The following MYSM1 variants were observed in gnomAD, a reference collection of about 807,000 sequenced individuals.
MYSM1 encodes deubiquitinase MYSM1.
MYSM1 carries 51 observed loss-of-function variants against 116.0 expected under a neutral mutation model. The observed-to-expected ratio is 0.44, with a 90% CI of 0.35 to 0.56. The LOEUF (loss-of-function observed/expected upper bound fraction) is 0.56, where lower values mean the gene tolerates loss of function less well. Ranked by LOEUF, MYSM1 falls within the 20% of genes least tolerant of loss-of-function variation. The pLI, the probability that MYSM1 is intolerant of heterozygous loss-of-function variation, is 0.00. For missense variants in MYSM1, 900 were observed against 974.9 expected, an observed-to-expected ratio of 0.92 and a Z score of 1.02; for synonymous variants, 313 against 315.2, an observed-to-expected ratio of 0.99 and a Z score of 0.07.
chr1:58,676,766 C>A (rs751335326), intron 9 of MYSM1, 160 bp downstream of exon 9: 304 of 615,662 alleles, frequency 4.9e-4, no homozygotes, highest in Non-Finnish European at 6.6e-4. Context: ...ACAGTTTAAC[C>A]AACAGTAAAA....
Position 58,690,349 on chromosome 1 carries a change from T to C in MYSM1, c.287A>G (p.Tyr96Cys). The C allele has an allele frequency of 6.2e-7, 1 of 1,603,220 alleles. No individual in the cohort carries two copies. The change falls in exon 4 of 20, where the codon TAC (tyrosine) becomes TGC (cysteine). Residue 96 changes from tyrosine to cysteine, a missense_variant. Around this residue, in one of 3 missense-constraint regions of MYSM1, gnomAD observed 622 missense variants for 623.7 expected, o/e 1.00. Transcript: ENST00000472487. The stretch of plus-strand genomic sequence containing the variant: ...TATAAATTGATTTTACCTCTTCATG[T>C]ATTTTTTATCATCTTCCTTTTGATC... The part of the protein sequence containing the change: ...WLDQKEDDKK[Y>C]MKSLQKTAKI...
chr1:58,666,989 A>G lies in MYSM1; in HGVS notation c.2031+49T>C, dbSNP rs571809012. ...AAAGTTTATCTATTTAAAAGGGAGC[A>G]TTGAGGGGGTGTGCAACCATTTACA... is the stretch of plus-strand genomic sequence containing the variant. On this transcript the variant is annotated intron_variant, in intron 16 of 19. Coordinates refer to ENST00000472487, the MANE Select transcript of MYSM1 (RefSeq NM_001085487.3). 1.2e-5 allele frequency: 13 copies of G among 1,085,142 alleles called. No homozygotes were observed. The East Asian group carries it at 3.1e-4, about 26-fold the overall frequency. 67.2% of individuals were successfully genotyped at this position (1,085,142 alleles called of 1,614,324 possible).
rs1297481256 is a variant in MYSM1 at position 58,655,949 on chromosome 1, C to T, written c.*4048G>A. On this transcript the variant is annotated 3_prime_UTR_variant, in exon 20 of 20. Transcript: ENST00000472487. The stretch of plus-strand genomic sequence containing the variant: ...ACTGAATTTCTACTGAGAATTCCAT[C>T]AACTGCTGTCTGCTGACTTGCGACT... The T allele has an allele frequency of 2.6e-5, 4 of 152,108 alleles. No individual in the cohort carries two copies. Among genetic ancestry groups the T allele is most frequent in the Admixed American group, 1.3e-4 (2 of 15,268 alleles). 9.4% of individuals were successfully genotyped at this position (152,108 alleles called of 1,614,324 possible). A position where few individuals can be genotyped will look rare whatever the true frequency, so the allele number is the denominator to read the frequency against.
chr1:58,676,969 A>G lies in MYSM1; in HGVS notation c.1347T>C (p.Ile449=), dbSNP rs762284661. 12 of 1,612,532 alleles carry G rather than the reference A, an allele frequency of 7.4e-6. No individual in the cohort carries two copies. Among genetic ancestry groups the G allele is most frequent in the Non-Finnish European group, 8.5e-7 (1 of 1,179,328 alleles). ...CTCCTATCAATTCGAGGTATGTATGAATCCGTCCAATACAATTAACATCTC... is the reference window on the plus strand; with the variant it reads ...CTCCTATCAATTCGAGGTATGTATGGATCCGTCCAATACAATTAACATCTC... ...NCGDVNCIGR[I]HTYLELIGAI... The change falls in exon 9 of 20, where the codon ATT becomes ATC. Residue 449 remains isoleucine, a synonymous_variant. Transcript: ENST00000472487.
intron 7 of MYSM1, 68 bp downstream of exon 7, chr1:58,685,085 A>C: frequency 7.7e-7 from 1 of 1,304,896 alleles, no homozygotes; most frequent in Non-Finnish European, 1.0e-6. Flanking sequence ...CCTGAATTAA[A>C]GAAATACTTC....
chr1:58,685,334 AAAAACTT>A (rs1644812472), intron 6 of MYSM1, 83 bp from the exon 7 acceptor site: 1 of 805,208 alleles, frequency 1.2e-6, no homozygotes, highest in Non-Finnish European at 1.9e-6. Context: ...TTAAAAAAAA[AAAAACTT>A]AAAAAAAAAT....
rs1644298334 is a variant in MYSM1 at position 58,654,815 on chromosome 1, G to A, written c.*5182C>T. 1 of 151,976 alleles carries A rather than the reference G, an allele frequency of 6.6e-6. No homozygotes were observed. Among genetic ancestry groups the A allele is most frequent in the Admixed American group, 6.5e-5 (1 of 15,274 alleles). The allele number at this position is 151,976 out of a possible 1,614,324, so 9.4% of individuals were successfully genotyped here. A position where few individuals can be genotyped will look rare whatever the true frequency, so the allele number is the denominator to read the frequency against. On this transcript the variant is annotated 3_prime_UTR_variant, in exon 20 of 20. Coordinates refer to ENST00000472487, the MANE Select transcript of MYSM1 (RefSeq NM_001085487.3). Reference sequence around the variant, plus strand: ...TTAATTTTTAGAACAAAATCCAAAAGCTTAAAATCAGATATCTTATAATGT... The same window carrying A: ...TTAATTTTTAGAACAAAATCCAAAAACTTAAAATCAGATATCTTATAATGT...
At chr1:58,699,926 C>T (rs564714363) in intron 1 of MYSM1, 59 bp downstream of exon 1, 3 of 1,608,964 alleles carry the variant, frequency 1.9e-6, no homozygotes, top group Admixed American at 1.7e-5. Flanking sequence ...TTTCCCAGGG[C>T]CCGCTCCTTC....
chr1:58,685,286 G>C (rs753459319), intron 6 of MYSM1, 35 bp from the exon 7 acceptor site: 1 of 1,497,792 alleles, frequency 6.7e-7, no homozygotes, highest in East Asian at 2.3e-5. Flanking sequence ...AATTGCTTTT[G>C]ATGAATTTAC....
intron 8 of MYSM1, among the ~76,000 whole-genome samples, chr1:58,678,471 T>C (rs1037394278): frequency 6.6e-6 from 1 of 152,100 alleles, no homozygotes; most frequent in Non-Finnish European, 1.5e-5. Context: ...ACTCTAAAAA[T>C]ATGTTCATGG....
chr1:58,669,277 A>T (rs1303034896), intron 12 of MYSM1, among the ~76,000 whole-genome samples: 1 of 152,150 alleles, frequency 6.6e-6, no homozygotes, highest in Admixed American at 6.5e-5. Context: ...ATTTCCTTTA[A>T]CACTCAAAGA....
Position 58,657,650 on chromosome 1 carries a change from A to T in MYSM1, c.*2347T>A, listed in dbSNP as rs749863129. On this transcript the variant is annotated 3_prime_UTR_variant, in exon 20 of 20. Transcript: ENST00000472487. ...AAAAATGGGGAAGGATTTATATACT[A>T]ATTGTGTTTTTTTAAATAGTAGCAC... 6.6e-6 allele frequency: 1 copy of T among 152,130 alleles called. No homozygotes were observed. Among genetic ancestry groups the T allele is most frequent in the Non-Finnish European group, 1.5e-5 (1 of 68,036 alleles). The allele number at this position is 152,130 out of a possible 1,614,324, so 9.4% of individuals were successfully genotyped here. A position where few individuals can be genotyped will look rare whatever the true frequency, so the allele number is the denominator to read the frequency against.
In MYSM1 at chr1:58,692,936, TAA is replaced by T; in HGVS notation, c.148-7_148-6del. 6.3e-7 allele frequency: 1 copy of T among 1,585,562 alleles called. No individual in the cohort carries two copies. The highest frequency in any genetic ancestry group is 8.6e-7 in the Non-Finnish European group (1 of 1,169,302). Reference sequence around the variant, plus strand: ...GGTGTTATCCAAGGTCCAAGGCTATTAAAAAAGAGAATATATTTGTCTTTTTA... The same window carrying T: ...GGTGTTATCCAAGGTCCAAGGCTATTAAAAGAGAATATATTTGTCTTTTTA... On this transcript the variant is annotated splice_polypyrimidine_tract_variant and splice_region_variant and intron_variant, in intron 2 of 19. Coordinates refer to ENST00000472487, the MANE Select transcript of MYSM1 (RefSeq NM_001085487.3).
chr1:58,655,370 G>T lies in MYSM1; in HGVS notation c.*4627C>A, dbSNP rs1391464238. On this transcript the variant is annotated 3_prime_UTR_variant, in exon 20 of 20. Transcript: ENST00000472487. ...TATGAATACCTTCATAAACACCAAA[G>T]GAAGAAAATAAAAACAACTCAGATA... 6.6e-6 allele frequency: 1 copy of T among 151,990 alleles called. No individual in the cohort carries two copies. The highest frequency in any genetic ancestry group is 1.5e-5 in the Non-Finnish European group (1 of 67,966). 9.4% of individuals were successfully genotyped at this position (151,990 alleles called of 1,614,324 possible). A position where few individuals can be genotyped will look rare whatever the true frequency, so the allele number is the denominator to read the frequency against.
At chr1:58,680,653 T>G (rs1207734881) in intron 8 of MYSM1, among the ~76,000 whole-genome samples, 1 of 152,150 alleles carries the variant, frequency 6.6e-6, no homozygotes, top group African/African-American at 2.4e-5. Context: ...CCCTTCTAGG[T>G]TACAGCAGGA....
rs187732735 is a variant in MYSM1, at chr1:58,657,364, A to T, written c.*2633T>A. 1 of 152,266 alleles carries T rather than the reference A, an allele frequency of 6.6e-6. No homozygotes were observed. The highest frequency in any genetic ancestry group is 1.9e-4 in the East Asian group (1 of 5,180). 9.4% of individuals were successfully genotyped at this position (152,266 alleles called of 1,614,324 possible). A position where few individuals can be genotyped will look rare whatever the true frequency, so the allele number is the denominator to read the frequency against. On this transcript the variant is annotated 3_prime_UTR_variant, in exon 20 of 20. Transcript: ENST00000472487. ...TCTCCACTTCTGTAAACATTATTAA[A>T]GGCAGGTGTTCCTTTGAGACTCTGC...
rs1038285646 is a variant in MYSM1 at position 58,690,350 on chromosome 1, A to AT, written c.285dup (p.Tyr96IlefsTer35). 6.2e-7 allele frequency: 1 copy of AT among 1,603,022 alleles called. No homozygotes were observed. On this transcript the variant is annotated frameshift_variant, in exon 4 of 20. Transcript: ENST00000472487. LOFTEE classifies it high-confidence loss of function. The stretch of plus-strand genomic sequence containing the variant: ...ATAAATTGATTTTACCTCTTCATGT[A>AT]TTTTTTATCATCTTCCTTTTGATCA...
chr1:58,669,487 A>T (rs923633603), intron 12 of MYSM1, among the ~76,000 whole-genome samples: 3 of 152,246 alleles, frequency 2.0e-5, no homozygotes, highest in Admixed American at 2.0e-4. Context: ...AATGACAAAC[A>T]GTTCTGGTAA....
chr1:58,691,054 C>A (rs1569797765), intron 3 of MYSM1, among the ~76,000 whole-genome samples: 1 of 151,574 alleles, frequency 6.6e-6, no homozygotes, highest in South Asian at 2.1e-4. Flanking sequence ...CCGAGGCAGG[C>A]GGATCACAAG....
Sources: allele counts gnomAD v4.1 joint callset (sites outside exome capture counted in the v4.1 genomes callset), GRCh38; gene constraint gnomAD v4.1.1; regional missense constraint gnomAD v4.1.1; transcripts MANE v1.5; gene names NCBI Gene and HGNC (gene_info 2026-07-23, HGNC 2026-07-21).